Variants in CRYBG3 observed in about 807,000 individuals in gnomAD.
CRYBG3 encodes very large A-kinase anchor protein.
CRYBG3 carries 127 observed loss-of-function variants against 244.2 expected under a neutral mutation model. The observed-to-expected ratio is 0.52, with a 90% confidence interval of 0.45 to 0.60. The LOEUF is 0.60. Ranked by LOEUF, CRYBG3 falls within the 20% of genes least tolerant of loss-of-function variation. The pLI, the probability that CRYBG3 is intolerant of heterozygous loss-of-function variation, is 0.00. For missense variants in CRYBG3, 3,325 were observed against 3,442.5 expected, an observed-to-expected ratio of 0.97 and a Z score of 0.85; for synonymous variants, 1,132 against 1,195.8, an observed-to-expected ratio of 0.95 and a Z score of 1.10.
chr3:97,826,331 A>G (rs577827653), intron 1 of CRYBG3, among the ~76,000 whole-genome samples: 2 of 152,326 alleles, frequency 1.3e-5, no homozygotes, highest in Admixed American at 6.5e-5. Context: ...TAAAGTTGCA[A>G]AGGTACCACA....
At chr3:97,866,166 A>G (rs1027934462) in intron 3 of CRYBG3, among the ~76,000 whole-genome samples, 2 of 152,190 alleles carry the variant, frequency 1.3e-5, no homozygotes, top group African/African-American at 4.8e-5. Context: ...ATAATAAATG[A>G]TAATACCCTG....
At chr3:97,903,742 A>C (rs558897719) in intron 15 of CRYBG3, among the ~76,000 whole-genome samples, 4 of 152,222 alleles carry the variant, frequency 2.6e-5, no homozygotes, top group Admixed American at 2.0e-4. Flanking sequence ...ACATATTGTT[A>C]GTATATAAGT....
intron 10 of CRYBG3, among the ~76,000 whole-genome samples, chr3:97,890,182 T>G (rs2039559649): frequency 6.6e-6 from 1 of 152,240 alleles, no homozygotes; most frequent in African/African-American, 2.4e-5. Context: ...GTGTATCTAA[T>G]ATACTTTGAC....
At chr3:97,887,936 G>A (rs894346242) in intron 8 of CRYBG3, among the ~76,000 whole-genome samples, 7 of 152,102 alleles carry the variant, frequency 4.6e-5, no homozygotes, top group African/African-American at 1.4e-4. Flanking sequence ...TGAAAACGTG[G>A]CTCAAAATGT....
intron 2 of CRYBG3, among the ~76,000 whole-genome samples, chr3:97,858,360 C>A (rs1216161181): frequency 6.6e-6 from 1 of 151,962 alleles, no homozygotes; most frequent in African/African-American, 2.4e-5. Flanking sequence ...TAATGTGCCT[C>A]AGAAAGGACC....
In CRYBG3 at chr3:97,889,339, A is replaced by G. The variant is rs372803275; in HGVS notation, c.7405-16A>G. ...ATATTTACCTGTCTAATATTAAACT[A>G]TCTTGTCATCTTAAGGGTGGACTGA... On this transcript the variant is annotated splice_polypyrimidine_tract_variant and intron_variant, in intron 9 of 21. Transcript: ENST00000389622. 1.2e-5 allele frequency: 19 copies of G among 1,588,074 alleles called. No individual in the cohort carries two copies. The highest frequency in any genetic ancestry group is 1.6e-5 in the Non-Finnish European group (19 of 1,156,808).
At chr3:97,942,821 A>G (rs1373538922) in intron 21 of CRYBG3, 2 of 218,086 alleles carry the variant, frequency 9.2e-6, no homozygotes, top group South Asian at 1.1e-4. Flanking sequence ...GTAGGTATCA[A>G]TTAACCTTGT....
chr3:97,912,040 A>G (rs780417947), intron 15 of CRYBG3, 127 bp from the exon 16 acceptor site: 34 of 473,194 alleles, frequency 7.2e-5, no homozygotes, highest in Admixed American at 2.0e-4. Context: ...TTCATTGATA[A>G]TAGATAAAAC....
chr3:97,938,891 G>A (rs1436175567), intron 19 of CRYBG3, among the ~76,000 whole-genome samples: 3 of 151,850 alleles, frequency 2.0e-5, no homozygotes, highest in Non-Finnish European at 4.4e-5. Context: ...TGTGGTAGAC[G>A]ATCTCATGAC....
chr3:97,846,683 G>T (rs776955322), intron 2 of CRYBG3, among the ~76,000 whole-genome samples: 2 of 152,146 alleles, frequency 1.3e-5, no homozygotes, highest in Non-Finnish European at 2.9e-5. Context: ...TTAATCCCAT[G>T]TCTGACACTG....
chr3:97,942,320 G>A lies in CRYBG3; in HGVS notation c.8701G>A (p.Asp2901Asn). Residue 2901 changes from aspartate to asparagine, a missense_variant, in exon 21 of 22, where the codon GAC becomes AAC. Physicochemically the swap from Asp to Asn is conservative, Grantham distance 23. Transcript: ENST00000389622. ...DTCLDVIGGR[D>N]TPGAKVALWT... ...ATGTCTTGATGTGATTGGTGGCCGG[G>A]ACACACCTGGAGCTAAAGTAGCTCT... is the stretch of plus-strand genomic sequence containing the variant. 6.2e-7 allele frequency: 1 copy of A among 1,611,346 alleles called. No homozygotes were observed. Among genetic ancestry groups the A allele is most frequent in the Non-Finnish European group, 8.5e-7 (1 of 1,178,324 alleles).
At position 97,909,594 on chromosome 3, in the gene CRYBG3, T is replaced by C. The variant is rs1283946180; in HGVS notation, c.8005-2573T>C. On this transcript the variant is annotated intron_variant, in intron 15 of 21. Coordinates refer to ENST00000389622, the MANE Select transcript of CRYBG3 (RefSeq NM_153605.4). ...TAGTTCTCGAGCCTTGGTTTTCAGC[T>C]CCATCAGCTCCTTTAAGCACTTCTC... 8.3e-4 allele frequency among the ~76,000 whole-genome samples: 125 copies of C among 150,164 alleles called. No homozygotes were observed. In the East Asian group the frequency reaches 0.024, roughly 29 times the overall value.
At chr3:97,852,730 T>C (rs1244201373) in intron 2 of CRYBG3, among the ~76,000 whole-genome samples, 1 of 152,206 alleles carries the variant, frequency 6.6e-6, no homozygotes, top group African/African-American at 2.4e-5. Context: ...TAGTTTATTT[T>C]TGGTTTTTGG....
intron 11 of CRYBG3, among the ~76,000 whole-genome samples, chr3:97,895,282 G>A (rs1055475647): frequency 9.9e-5 from 15 of 152,170 alleles, no homozygotes; most frequent in African/African-American, 3.1e-4. Context: ...TTTTATGGAG[G>A]AGCTTAATAA....
In CRYBG3 at chr3:97,822,291, G is replaced by A. The variant is rs776958777; in HGVS notation, c.85G>A (p.Glu29Lys). The part of the protein sequence containing the change: ...FAPRSPSRDK[E>K]EEEEERPGTS... ...TCCCCGAAGTCCTTCCCGGGACAAGGAAGAGGAAGAGGAGGAGAGGCCGGG... is the reference window on the plus strand; with the variant it reads ...TCCCCGAAGTCCTTCCCGGGACAAGAAAGAGGAAGAGGAGGAGAGGCCGGG... The change falls in exon 1 of 22, where the codon GAA (glutamate) becomes AAA (lysine). Residue 29 changes from glutamate to lysine, a missense_variant. By Grantham distance (56) the Glu-to-Lys change is moderately conservative. Transcript: ENST00000389622. 1.4e-5 allele frequency: 22 copies of A among 1,530,608 alleles called. No homozygotes were observed. In the South Asian group the frequency reaches 2.6e-4, roughly 18 times the overall value. The allele number at this position is 1,530,608 out of a possible 1,614,324, so 94.8% of individuals were successfully genotyped here. A position where few individuals can be genotyped will look rare whatever the true frequency, so the allele number is the denominator to read the frequency against.
At chr3:97,858,055 T>G (rs2039091213) in intron 2 of CRYBG3, among the ~76,000 whole-genome samples, 2 of 152,184 alleles carry the variant, frequency 1.3e-5, no homozygotes, top group South Asian at 4.1e-4. Flanking sequence ...AAGCATTTCT[T>G]TAAAGTCTAT....
At chr3:97,885,346 G>A (rs2039495904) in intron 7 of CRYBG3, among the ~76,000 whole-genome samples, 1 of 152,094 alleles carries the variant, frequency 6.6e-6, no homozygotes, top group African/African-American at 2.4e-5. Context: ...AACTTAAGTA[G>A]AATTGTTCAG....
rs556207887 is a variant in CRYBG3 at position 97,884,668 on chromosome 3, A to G, written c.7153-1963A>G. Among the ~76,000 whole-genome samples, 3 of 152,144 alleles carry G rather than the reference A, an allele frequency of 2.0e-5. No individual in the cohort carries two copies. The East Asian group carries it at 5.8e-4, about 29-fold the overall frequency. ...TGCTCGTGTTTGACTTTCTTTGTCC[A>G]TCAAGAATTATACATATGTTTTGCA... On this transcript the variant is annotated intron_variant, in intron 7 of 21. Transcript: ENST00000389622.
chr3:97,893,560 A>C (rs2039605745), intron 11 of CRYBG3, among the ~76,000 whole-genome samples: 1 of 152,220 alleles, frequency 6.6e-6, no homozygotes, highest in African/African-American at 2.4e-5. Flanking sequence ...AGCCCCCCAA[A>C]TCTGTGATGG....
Sources: gnomAD v4.1 joint callset for allele counts (sites outside exome capture counted in the v4.1 genomes callset) on GRCh38, gnomAD v4.1.1 for gene constraint, MANE v1.5 for transcripts, NCBI Gene and HGNC (gene_info 2026-07-23, HGNC 2026-07-21) for gene names.